The following EFCAB11 variants were observed in gnomAD, a reference collection of about 807,000 sequenced individuals.
The protein encoded by EFCAB11 is EF-hand calcium-binding domain-containing protein 11.
Under a neutral mutation model 23.0 loss-of-function variants are expected in EFCAB11, and 14 were observed. That is an observed-to-expected ratio of 0.61 (90% CI 0.40 to 0.95). The LOEUF (loss-of-function observed/expected upper bound fraction) is 0.95, where lower values mean the gene tolerates loss of function less well. Ranked by LOEUF, EFCAB11 falls within the 40% of genes least tolerant of loss-of-function variation. EFCAB11 has a pLI of 0.00. For synonymous variants in EFCAB11, 65 were observed against 66.6 expected, an observed-to-expected ratio of 0.98 and a Z score of 0.11; for missense variants, 198 against 195.8, an observed-to-expected ratio of 1.01 and a Z score of -0.07.
chr14:89,815,267 T>C (rs1174942027), intron 5 of EFCAB11, among the ~76,000 whole-genome samples: 1 of 152,182 alleles, frequency 6.6e-6, no homozygotes, highest in East Asian at 1.9e-4. Flanking sequence ...ATATTAGTGT[T>C]TCAAAAATGT....
At chr14:89,889,081 A>T (rs1195534557) in intron 5 of EFCAB11, among the ~76,000 whole-genome samples, 1 of 152,242 alleles carries the variant, frequency 6.6e-6, no homozygotes, top group Non-Finnish European at 1.5e-5. Flanking sequence ...CTATGAGATC[A>T]GGAAGGGTTT....
intron 5 of EFCAB11, among the ~76,000 whole-genome samples, chr14:89,926,255 A>C (rs1447577297): frequency 6.6e-6 from 1 of 152,254 alleles, no homozygotes; most frequent in Admixed American, 6.5e-5. Context: ...TTATGAAAGT[A>C]ATTTGTTCCT....
At chr14:89,798,462 C>T (rs528293803) in intron 5 of EFCAB11, among the ~76,000 whole-genome samples, 5 of 152,202 alleles carry the variant, frequency 3.3e-5, no homozygotes, top group South Asian at 2.1e-4. Flanking sequence ...ATCAGTATCA[C>T]GTTACTAACT....
intron 5 of EFCAB11, among the ~76,000 whole-genome samples, chr14:89,849,111 C>A (rs150965801): frequency 1.2e-4 from 18 of 152,190 alleles, no homozygotes; most frequent in African/African-American, 4.1e-4. Flanking sequence ...ATGTTTTAAT[C>A]TTGTGAACGT....
intron 3 of EFCAB11, among the ~76,000 whole-genome samples, chr14:89,934,020 G>C (rs951036476): frequency 6.6e-6 from 1 of 152,200 alleles, no homozygotes; most frequent in African/African-American, 2.4e-5. Context: ...AGGCTGCTGT[G>C]GCTGGAACAA....
At chr14:89,923,736 T>C in intron 5 of EFCAB11, 1 of 985,408 alleles carries the variant, frequency 1.0e-6, no homozygotes, top group Non-Finnish European at 1.2e-6. Context: ...CTTACTGAAG[T>C]TGCATGATCA....
At chr14:89,828,802 A>G (rs1886791445) in intron 5 of EFCAB11, among the ~76,000 whole-genome samples, 1 of 152,246 alleles carries the variant, frequency 6.6e-6, no homozygotes, top group Admixed American at 6.5e-5. Flanking sequence ...ATTAAGATCC[A>G]TATACAGTTG....
At chr14:89,810,028 T>C in intron 5 of EFCAB11, among the ~76,000 whole-genome samples, 1 of 152,212 alleles carries the variant, frequency 6.6e-6, no homozygotes, top group Non-Finnish European at 1.5e-5. Flanking sequence ...AAGGAACCCA[T>C]GTTTTCTTGA....
intron 2 of EFCAB11, among the ~76,000 whole-genome samples, chr14:89,952,812 A>G (rs1291195305): frequency 6.6e-6 from 1 of 152,184 alleles, no homozygotes; most frequent in Non-Finnish European, 1.5e-5. Context: ...GTCTGGTCTA[A>G]TGAGAGTGAG....
Position 89,954,390 on chromosome 14 carries a change from C to T in EFCAB11, c.75+196G>A, listed in dbSNP as rs1476782842. On this transcript the variant is annotated intron_variant, in intron 1 of 5. Coordinates refer to ENST00000316738, the MANE Select transcript of EFCAB11 (RefSeq NM_145231.4). ...CTATATAGAGAGAAAGGAGATGGAACTTGGAGGTAGCCGTAGTCCTGGACG... is the reference window on the plus strand; with the variant it reads ...CTATATAGAGAGAAAGGAGATGGAATTTGGAGGTAGCCGTAGTCCTGGACG... 10 of 1,536,122 alleles carry T rather than the reference C, an allele frequency of 6.5e-6. No homozygotes were observed. The South Asian group carries it at 8.3e-5, about 13-fold the overall frequency.
At chr14:89,942,173 T>C (rs1052571152) in intron 3 of EFCAB11, among the ~76,000 whole-genome samples, 9 of 152,170 alleles carry the variant, frequency 5.9e-5, no homozygotes. Flanking sequence ...GTGAGTCAAT[T>C]AAACCTCTTT....
At chr14:89,867,138 C>T (rs1362236842) in intron 5 of EFCAB11, among the ~76,000 whole-genome samples, 2 of 152,140 alleles carry the variant, frequency 1.3e-5, no homozygotes, top group Non-Finnish European at 2.9e-5. Context: ...GAGTATGAAG[C>T]CAGGAACCAG....
intron 5 of EFCAB11, chr14:89,836,551 A>AG (rs1469044922): frequency 2.2e-6 from 1 of 456,706 alleles, no homozygotes; most frequent in Admixed American, 2.3e-5. Context: ...GAGCAGGGCT[A>AG]GGGACCAGAC....
intron 5 of EFCAB11, among the ~76,000 whole-genome samples, chr14:89,865,412 A>G (rs1043697879): frequency 3.3e-5 from 5 of 152,320 alleles, no homozygotes; most frequent in African/African-American, 9.6e-5. Context: ...AGAGACTGAC[A>G]TATGAGTCCT....
At chr14:89,935,397 G>GTTTT (rs60594341) in intron 3 of EFCAB11, among the ~76,000 whole-genome samples, 1 of 135,792 alleles carries the variant, frequency 7.4e-6, no homozygotes, top group Non-Finnish European at 1.6e-5. Flanking sequence ...ATGCATGTGG[G>GTTTT]TTTTTTTTTT....
chr14:89,887,486 T>A (rs539791832), intron 5 of EFCAB11, among the ~76,000 whole-genome samples: 16 of 151,598 alleles, frequency 1.1e-4, no homozygotes, highest in African/African-American at 3.7e-4. Flanking sequence ...CTAGAAATAA[T>A]TTGTTTTCTA....
intron 5 of EFCAB11, among the ~76,000 whole-genome samples, chr14:89,861,952 C>A (rs1271245999): frequency 6.6e-6 from 1 of 152,208 alleles, no homozygotes; most frequent in Non-Finnish European, 1.5e-5. Context: ...GACAGAGACA[C>A]AAACCAAATT....
In EFCAB11 at chr14:89,918,087, T is replaced by C. The variant is rs749727584; in HGVS notation, c.410+13454A>G. Among the ~76,000 whole-genome samples, 70 of 152,002 alleles carry C rather than the reference T, an allele frequency of 4.6e-4. 1 individual carries two copies. Among genetic ancestry groups the C allele is most frequent in the Non-Finnish European group, 2.6e-4 (18 of 68,004 alleles). On this transcript the variant is annotated intron_variant, in intron 5 of 5. Transcript: ENST00000316738. ...AGTTGGGGAGAGCAGCTTTCTAGGA[T>C]GGATATGAGTATATCTTCAGGCAGG...
intron 5 of EFCAB11, among the ~76,000 whole-genome samples, chr14:89,824,981 T>C (rs1886641617): frequency 6.6e-6 from 1 of 151,668 alleles, no homozygotes; most frequent in Admixed American, 6.6e-5. Flanking sequence ...AAAAATAATA[T>C]GACCAACACC....
Sources: allele counts gnomAD v4.1 joint callset (sites outside exome capture counted in the v4.1 genomes callset), GRCh38; gene constraint gnomAD v4.1.1; transcripts MANE v1.5; gene names NCBI Gene and HGNC (gene_info 2026-07-23, HGNC 2026-07-21).